COX10: variants seen among roughly 807,000 people sequenced by gnomAD.
COX10 encodes the protein cytochrome c oxidase assembly factor heme A:farnesyltransferase COX10.
A neutral mutation model predicts 37.3 loss-of-function variants in COX10; 27 were observed. The ratio of observed to expected loss-of-function variants is 0.72; its 90% CI spans 0.53 to 1.00. The LOEUF is 1.00. Ranked by LOEUF, COX10 falls within the 50% of genes least tolerant of loss-of-function variation. The pLI is 0.00. For synonymous variants in COX10, 222 were observed against 229.1 expected, an observed-to-expected ratio of 0.97 and a Z score of 0.28; for missense variants, 475 against 563.2, an observed-to-expected ratio of 0.84 and a Z score of 1.59.
intron 4 of COX10, among the ~76,000 whole-genome samples, chr17:14,121,868 A>C (rs913866926): frequency 1.3e-5 from 2 of 152,094 alleles, no homozygotes; most frequent in Non-Finnish European, 2.9e-5. Flanking sequence ...AGATGAGGAG[A>C]GGAGGATTTT....
In COX10 at chr17:14,130,099, C is replaced by T. The variant is rs138414383; in HGVS notation, c.624+27857C>T. ...CAACAAAAATTAAGAATGTAAAAAT[C>T]CTTTGGACATAAGTGAGGAGTTTCT... On this transcript the variant is annotated intron_variant, in intron 4 of 6. Transcript: ENST00000261643. 3.3e-3 allele frequency among the ~76,000 whole-genome samples: 504 copies of T among 152,224 alleles called. 4 individuals carry two copies. Among genetic ancestry groups the T allele is most frequent in the African/African-American group, 0.011 (473 of 41,526 alleles).
intron 3 of COX10, among the ~76,000 whole-genome samples, chr17:14,101,820 G>T (rs1432360747): frequency 1.3e-5 from 2 of 152,132 alleles, no homozygotes; most frequent in Non-Finnish European, 2.9e-5. Context: ...TACAAATTTG[G>T]TATTTAGTAA....
At chr17:14,083,156 G>C (rs1307759684) in intron 3 of COX10, among the ~76,000 whole-genome samples, 1 of 152,172 alleles carries the variant, frequency 6.6e-6, no homozygotes, top group Admixed American at 6.5e-5. Context: ...TCCCAGGGCA[G>C]TAAATTTCCC....
At chr17:14,149,441 C>A (rs555971681) in intron 4 of COX10, among the ~76,000 whole-genome samples, 1 of 152,220 alleles carries the variant, frequency 6.6e-6, no homozygotes, top group South Asian at 2.1e-4. Context: ...ATAAAATTTT[C>A]CTTTGCTATG....
chr17:14,106,897 C>A lies in COX10; in HGVS notation c.624+4655C>A, dbSNP rs140878422. 4.8e-3 allele frequency among the ~76,000 whole-genome samples: 728 copies of A among 152,188 alleles called. 17 individuals carry two copies. Among genetic ancestry groups the A allele is most frequent in the Admixed American group, 0.031 (480 of 15,284 alleles). On this transcript the variant is annotated intron_variant, in intron 4 of 6. Transcript: ENST00000261643. ...ACTTATAAGGTGCAAATATTTTCTT[C>A]AGTTTTTGTCTTTAATGTTTTACAG... is the stretch of plus-strand genomic sequence containing the variant.
At chr17:14,120,828 G>A (rs1916213669) in intron 4 of COX10, among the ~76,000 whole-genome samples, 1 of 152,162 alleles carries the variant, frequency 6.6e-6, no homozygotes, top group Non-Finnish European at 1.5e-5. Flanking sequence ...CAAGATTTGT[G>A]GAAGTTTGGC....
chr17:14,101,142 T>C (rs1915769111), intron 3 of COX10, among the ~76,000 whole-genome samples: 1 of 152,152 alleles, frequency 6.6e-6, no homozygotes, highest in Admixed American at 6.6e-5. Flanking sequence ...GAACGGGATA[T>C]AGCGAGTGAC....
rs757203136 is a variant in COX10 at position 14,153,991 on chromosome 17, CA to C, written c.625-5882del. On this transcript the variant is annotated intron_variant, in intron 4 of 6. Transcript: ENST00000261643. ...AAACCCTCTGCAAGATGATGAATAT[CA>C]AAAGTTATTATTCGGAGTGTAAAAA... Among the ~76,000 whole-genome samples the C allele has an allele frequency of 1.3e-4, 20 of 152,176 alleles. No individual in the cohort carries two copies. The East Asian group carries it at 3.9e-3, about 29-fold the overall frequency.
At chr17:14,078,597 C>A (rs1332005451) in intron 3 of COX10, among the ~76,000 whole-genome samples, 2 of 152,144 alleles carry the variant, frequency 1.3e-5, no homozygotes, top group Non-Finnish European at 2.9e-5. Context: ...AAGCTGCCAT[C>A]CTAGTTTACA....
intron 4 of COX10, among the ~76,000 whole-genome samples, chr17:14,134,845 AAT>A (rs1189229171): frequency 6.6e-6 from 1 of 151,602 alleles, no homozygotes; most frequent in African/African-American, 2.4e-5. Flanking sequence ...TGTAAGAAAT[AAT>A]ATAGAGAGAT....
chr17:14,071,885 G>A (rs190345171), intron 1 of COX10, among the ~76,000 whole-genome samples: 10 of 152,062 alleles, frequency 6.6e-5, no homozygotes, highest in Admixed American at 6.6e-4. Flanking sequence ...GGGTGACAGA[G>A]TGAGACTCCA....
chr17:14,081,766 A>G (rs1479211901), intron 3 of COX10, among the ~76,000 whole-genome samples: 1 of 152,202 alleles, frequency 6.6e-6, no homozygotes, highest in Non-Finnish European at 1.5e-5. Flanking sequence ...CTATACACAT[A>G]TTTCTTAAAA....
chr17:14,127,512 T>C (rs557823929), intron 4 of COX10, among the ~76,000 whole-genome samples: 1 of 152,308 alleles, frequency 6.6e-6, no homozygotes, highest in East Asian at 1.9e-4. Context: ...TTTAAATATT[T>C]TGTACCTATA....
chr17:14,117,376 G>GA (rs1328019959), intron 4 of COX10, among the ~76,000 whole-genome samples: 1 of 152,172 alleles, frequency 6.6e-6, no homozygotes, highest in African/African-American at 2.4e-5. Context: ...GTGAGGTGGT[G>GA]ATTTAACTTA....
intron 3 of COX10, among the ~76,000 whole-genome samples, chr17:14,085,650 GTTTT>G (rs763807872): frequency 1.1e-4 from 16 of 151,930 alleles, no homozygotes; most frequent in Non-Finnish European, 1.9e-4. Flanking sequence ...TGTTTTAAGT[GTTTT>G]TTATTTTATT....
intron 5 of COX10, among the ~76,000 whole-genome samples, chr17:14,163,240 T>A (rs1006818442): frequency 4.3e-5 from 3 of 70,200 alleles, no homozygotes; most frequent in African/African-American, 1.3e-4. Context: ...CAGGAAAATT[T>A]ATTTATTTAT....
At chr17:14,116,169 A>G (rs562176671) in intron 4 of COX10, among the ~76,000 whole-genome samples, 1 of 152,224 alleles carries the variant, frequency 6.6e-6, no homozygotes, top group East Asian at 1.9e-4. Flanking sequence ...GAAGGCTTTT[A>G]AAAGTTACCC....
intron 4 of COX10, among the ~76,000 whole-genome samples, chr17:14,127,428 G>T (rs1196884376): frequency 1.3e-5 from 2 of 152,010 alleles, no homozygotes; most frequent in Non-Finnish European, 2.9e-5. Flanking sequence ...CATACTGAGT[G>T]CAGGGAAGGA....
chr17:14,150,075 C>A (rs544772245), intron 4 of COX10, among the ~76,000 whole-genome samples: 1 of 151,996 alleles, frequency 6.6e-6, no homozygotes, highest in East Asian at 1.9e-4. Context: ...AGTTTGAGAC[C>A]AGCCTGGACA....
Sources: gnomAD v4.1 joint callset for allele counts (sites outside exome capture counted in the v4.1 genomes callset) on GRCh38, gnomAD v4.1.1 for gene constraint, MANE v1.5 for transcripts, NCBI Gene and HGNC (gene_info 2026-07-23, HGNC 2026-07-21) for gene names.